The following TMEM201 variants were observed in gnomAD, a reference collection of about 807,000 sequenced individuals.
The protein encoded by TMEM201 is RP13-15M17.2.
A neutral mutation model predicts 63.4 loss-of-function variants in TMEM201; 26 were observed. The ratio of observed to expected loss-of-function variants is 0.41; its 90% CI spans 0.30 to 0.57. The LOEUF (loss-of-function observed/expected upper bound fraction) is 0.57, where lower values mean the gene tolerates loss of function less well. TMEM201 is among the 20% of genes least tolerant of loss of function. TMEM201 has a pLI of 0.29. For synonymous variants in TMEM201, 417 were observed against 421.6 expected, an observed-to-expected ratio of 0.99 and a Z score of 0.14; for missense variants, 794 against 917.7, an observed-to-expected ratio of 0.87 and a Z score of 1.74.
chr1:9,592,985 C>T (rs543603848), intron 1 of TMEM201, among the ~76,000 whole-genome samples: 58 of 152,368 alleles, frequency 3.8e-4, no homozygotes, highest in Non-Finnish European at 7.2e-4. Context: ...CATTCTGTCA[C>T]GTTACCTCAA....
chr1:9,603,387 G>A lies in TMEM201; in HGVS notation c.1160+1115G>A, dbSNP rs556694310. On this transcript the variant is annotated intron_variant, in intron 6 of 10. Coordinates refer to ENST00000340381, the MANE Select transcript of TMEM201 (RefSeq NM_001130924.3). This position sits in a 1 kb window ranked among gnomAD's most constrained non-coding sequence, Gnocchi z 4.5. ...ACTCTGGAAGTCGAGGGGCTGCCACGTGCAGAGGAAGTTCCCGGCCTGGGG... is the reference window on the plus strand; with the variant it reads ...ACTCTGGAAGTCGAGGGGCTGCCACATGCAGAGGAAGTTCCCGGCCTGGGG... The A allele has an allele frequency of 1.2e-5, 12 of 985,428 alleles. No individual in the cohort carries two copies. The highest frequency in any genetic ancestry group is 6.1e-5 in the Admixed American group (1 of 16,272). The allele number at this position is 985,428 out of a possible 1,614,324, so 61.0% of individuals were successfully genotyped here.
intron 1 of TMEM201, among the ~76,000 whole-genome samples, chr1:9,595,417 G>A (rs940867474): frequency 6.6e-6 from 1 of 152,148 alleles, no homozygotes; most frequent in Non-Finnish European, 1.5e-5. Flanking sequence ...AGGCTCCCTG[G>A]GGCGCACCCT....
At chr1:9,594,139 T>C (rs7544083) in intron 1 of TMEM201, among the ~76,000 whole-genome samples, 127,758 of 152,278 alleles carry the variant, frequency 0.84, 53,730 homozygotes, top group Admixed American at 0.9. Context: ...CAGCAGCCCC[T>C]TTTGACAGGT....
In TMEM201 at chr1:9,607,527, T is replaced by G; in HGVS notation, c.1161-30T>G. On this transcript the variant is annotated intron_variant, in intron 6 of 10. Transcript: ENST00000340381. The surrounding 1 kb of genome is among the most constrained non-coding windows in gnomAD (Gnocchi z 5.4). Reference sequence around the variant, plus strand: ...CTCCAGGACCTCCCGCTGACCCTCTTCTTGTCCCGTGCCTGACGGGCCCTT... The same window carrying G: ...CTCCAGGACCTCCCGCTGACCCTCTGCTTGTCCCGTGCCTGACGGGCCCTT... The G allele has an allele frequency of 6.6e-7, 1 of 1,520,594 alleles. No individual in the cohort carries two copies. The allele number at this position is 1,520,594 out of a possible 1,614,324, so 94.2% of individuals were successfully genotyped here. A position where few individuals can be genotyped will look rare whatever the true frequency, so the allele number is the denominator to read the frequency against.
rs1644135466 is a variant in TMEM201, at chr1:9,601,277, C to T, written c.779C>T (p.Pro260Leu). The T allele has an allele frequency of 6.2e-7, 1 of 1,610,660 alleles. No homozygotes were observed. The highest frequency in any genetic ancestry group is 8.5e-7 in the Non-Finnish European group (1 of 1,179,850). The change falls in exon 5 of 11, where the codon CCT becomes CTT. Residue 260 changes from proline to leucine, a missense_variant. Physicochemically the swap from Pro to Leu is moderately conservative, Grantham distance 98. Transcript: ENST00000340381. ...CCTGGTGGCAATGGCTCAGCCACAC[C>T]TGACAATGGCACCACCCCTGGGGCC... ...LPPGGNGSAT[P>L]DNGTTPGAEG... is the part of the protein sequence containing the mutation.
intron 4 of TMEM201, among the ~76,000 whole-genome samples, chr1:9,599,408 C>T (rs1358362429): frequency 1.3e-5 from 2 of 149,464 alleles, no homozygotes; most frequent in Non-Finnish European, 3.0e-5. Flanking sequence ...TCACCACAGC[C>T]GACTAATATT....
At position 9,608,539 on chromosome 1, in the gene TMEM201, A is replaced by G. The variant is rs1362540503; in HGVS notation, c.1393+750A>G. ...TTTTGCTTTTCCCCTAAGCAGAGAT[A>G]CCCCCCTATTTTCAGGGCACCCCAG... On this transcript the variant is annotated intron_variant, in intron 7 of 10. Transcript: ENST00000340381. This position sits in a 1 kb window ranked among gnomAD's most constrained non-coding sequence, Gnocchi z 4.3. Among the ~76,000 whole-genome samples the G allele has an allele frequency of 6.6e-6, 1 of 151,926 alleles. No individual in the cohort carries two copies. The highest frequency in any genetic ancestry group is 2.4e-5 in the African/African-American group (1 of 41,350).
At chr1:9,592,620 G>A (rs1305520916) in intron 1 of TMEM201, among the ~76,000 whole-genome samples, 1 of 152,204 alleles carries the variant, frequency 6.6e-6, no homozygotes, top group Non-Finnish European at 1.5e-5. Context: ...GCATCCCGCA[G>A]GAGCTTTGTT....
In TMEM201 at chr1:9,588,958, C is replaced by G; in HGVS notation, c.28C>G (p.Arg10Gly). Reference protein sequence around the residue: MEGVSALLARCPTAGLAGGL... With the variant: MEGVSALLAGCPTAGLAGGL... ...GGAGGGAGTGAGCGCGCTGCTGGCC[C>G]GCTGCCCCACGGCCGGCCTGGCCGG... The change falls in exon 1 of 11, where the codon CGC becomes GGC. Residue 10 changes from arginine (R) to glycine (G), a missense_variant. Coordinates refer to ENST00000340381, the MANE Select transcript of TMEM201 (RefSeq NM_001130924.3). 7.9e-7 allele frequency: 1 copy of G among 1,270,854 alleles called. No individual in the cohort carries two copies. Among genetic ancestry groups the G allele is most frequent in the Non-Finnish European group, 1.0e-6 (1 of 990,250 alleles). 78.7% of individuals were successfully genotyped at this position (1,270,854 alleles called of 1,614,324 possible). A position where few individuals can be genotyped will look rare whatever the true frequency, so the allele number is the denominator to read the frequency against.
In TMEM201 at chr1:9,611,737, A is replaced by G; in HGVS notation, c.1766-16A>G. 6.4e-7 allele frequency: 1 copy of G among 1,550,972 alleles called. No individual in the cohort carries two copies. The highest frequency in any genetic ancestry group is 1.4e-5 in the African/African-American group (1 of 73,062). ...AGCCATGAGCGCCACTGAGAAACAC[A>G]CCCTTCTCTCTGCAGACCTGAGATC... On this transcript the variant is annotated splice_polypyrimidine_tract_variant and intron_variant, in intron 9 of 10. Transcript: ENST00000340381.
Position 9,605,702 on chromosome 1 carries a change from A to G in TMEM201, c.1161-1855A>G, listed in dbSNP as rs1644230470. On this transcript the variant is annotated intron_variant, in intron 6 of 10. Transcript: ENST00000340381. This position sits in a 1 kb window ranked among gnomAD's most constrained non-coding sequence, Gnocchi z 5.7. ...CTTCAGTGGCACCAAACTGGGAACA[A>G]CAGCCCCTGTGCCAGGTGGCCAGGA... Among the ~76,000 whole-genome samples, 1 of 152,246 alleles carries G rather than the reference A, an allele frequency of 6.6e-6. No individual in the cohort carries two copies. The highest frequency in any genetic ancestry group is 2.1e-4 in the South Asian group (1 of 4,834).
At position 9,603,529 on chromosome 1, in the gene TMEM201, C is replaced by T. The variant is rs542643308; in HGVS notation, c.1160+1257C>T. Reference sequence around the variant, plus strand: ...GTCCTGCCACTCGCCACTCTGAGCACGAGTTCACCTTCCAGATGTGGCCAG... The same window carrying T: ...GTCCTGCCACTCGCCACTCTGAGCATGAGTTCACCTTCCAGATGTGGCCAG... On this transcript the variant is annotated intron_variant, in intron 6 of 10. Coordinates refer to ENST00000340381, the MANE Select transcript of TMEM201 (RefSeq NM_001130924.3). The surrounding 1 kb of genome is among the most constrained non-coding windows in gnomAD (Gnocchi z 4.5). The T allele has an allele frequency of 1.4e-5, 14 of 985,578 alleles. No homozygotes were observed. The highest frequency in any genetic ancestry group is 1.7e-5 in the African/African-American group (1 of 57,366). The allele number at this position is 985,578 out of a possible 1,614,324, so 61.1% of individuals were successfully genotyped here.
At chr1:9,591,024 G>A (rs1326429087) in intron 1 of TMEM201, among the ~76,000 whole-genome samples, 1 of 152,200 alleles carries the variant, frequency 6.6e-6, no homozygotes, top group Non-Finnish European at 1.5e-5. Flanking sequence ...AGATGTAGAG[G>A]GAGTGGGCAG....
intron 6 of TMEM201, 78 bp downstream of exon 6, chr1:9,602,350 C>G: frequency 6.4e-7 from 1 of 1,551,548 alleles, no homozygotes; most frequent in Non-Finnish European, 8.7e-7. Flanking sequence ...CGAAGCGGGC[C>G]CCTCTCTGTC....
chr1:9,597,039 G>A lies in TMEM201; in HGVS notation c.415G>A (p.Ala139Thr), dbSNP rs752313181. Residue 139 changes from alanine to threonine, a missense_variant, in exon 3 of 11, where the codon GCT becomes ACT. By Grantham distance (58) the Ala-to-Thr change is moderately conservative. Coordinates refer to ENST00000340381, the MANE Select transcript of TMEM201 (RefSeq NM_001130924.3). ...TTKIKQLAAF[A>T]PREEGRYDEE... Reference sequence around the variant, plus strand: ...CAAGATCAAGCAGCTGGCCGCCTTCGCTCCCCGCGAGGAGGTGAGGCCGGG... The same window carrying A: ...CAAGATCAAGCAGCTGGCCGCCTTCACTCCCCGCGAGGAGGTGAGGCCGGG... 1.5e-5 allele frequency: 24 copies of A among 1,605,398 alleles called. No individual in the cohort carries two copies. The highest frequency in any genetic ancestry group is 3.3e-4 in the Middle Eastern group (2 of 6,026).
chr1:9,610,182 A>G lies in TMEM201; in HGVS notation c.1465+271A>G, dbSNP rs1557562635. ...GGTGCACCAGGTGCCAGCTGGCAGC[A>G]AGGCCTCGGGTGAGCTGGCCTTGTA... On this transcript the variant is annotated intron_variant, in intron 8 of 10. Transcript: ENST00000340381. This position sits in a 1 kb window ranked among gnomAD's most constrained non-coding sequence, Gnocchi z 4.9. Among the ~76,000 whole-genome samples the G allele has an allele frequency of 6.6e-6, 1 of 152,160 alleles. No individual in the cohort carries two copies. Among genetic ancestry groups the G allele is most frequent in the Non-Finnish European group, 1.5e-5 (1 of 68,004 alleles).
rs1030830712 is a variant in TMEM201, at chr1:9,607,125, C to T, written c.1161-432C>T. On this transcript the variant is annotated intron_variant, in intron 6 of 10. Coordinates refer to ENST00000340381, the MANE Select transcript of TMEM201 (RefSeq NM_001130924.3). This position sits in a 1 kb window ranked among gnomAD's most constrained non-coding sequence, Gnocchi z 5.4. ...AGATGAGCCAGGATGTCCCTGAGCC[C>T]GGCCGCTCTGTGGGAAGGCTCGGCA... is the stretch of plus-strand genomic sequence containing the variant. 1.3e-5 allele frequency among the ~76,000 whole-genome samples: 2 copies of T among 152,182 alleles called. No homozygotes were observed. The highest frequency in any genetic ancestry group is 1.9e-4 in the East Asian group (1 of 5,196).
At chr1:9,600,510 G>A (rs184657164) in intron 4 of TMEM201, among the ~76,000 whole-genome samples, 5 of 152,288 alleles carry the variant, frequency 3.3e-5, no homozygotes, top group Admixed American at 6.5e-5. Context: ...CATAATAAAC[G>A]CGTGGTGATA....
At position 9,613,308 on chromosome 1, in the gene TMEM201, C is replaced by G. The variant is rs12059665; in HGVS notation, c.*225C>G. On this transcript the variant is annotated 3_prime_UTR_variant, in exon 11 of 11. Coordinates refer to ENST00000340381, the MANE Select transcript of TMEM201 (RefSeq NM_001130924.3). ...ACTCTCTGCCCACTCACCTCCTTGG[C>G]TGACATCGGTTGTGTTTGGTGCTGA... is the stretch of plus-strand genomic sequence containing the variant. 6.0e-5 allele frequency: 35 copies of G among 581,814 alleles called. No individual in the cohort carries two copies. Among genetic ancestry groups the G allele is most frequent in the Non-Finnish European group, 9.8e-5 (32 of 325,776 alleles). The allele number at this position is 581,814 out of a possible 1,614,324, so 36.0% of individuals were successfully genotyped here.
Sources: gnomAD v4.1 joint callset for allele counts (sites outside exome capture counted in the v4.1 genomes callset) on GRCh38, gnomAD v4.1.1 for gene constraint, Gnocchi (gnomAD v3.1) non-coding constraint, MANE v1.5 for transcripts, NCBI Gene and HGNC (gene_info 2026-07-23, HGNC 2026-07-21) for gene names.